The following C8orf34 variants were observed in gnomAD, a reference collection of about 807,000 sequenced individuals.
C8orf34 encodes the protein uncharacterized protein C8orf34.
C8orf34 carries 65 observed loss-of-function variants against 68.3 expected under a neutral mutation model. The ratio of observed to expected loss-of-function variants is 0.95; its 90% confidence interval spans 0.78 to 1.17. The LOEUF is 1.17. Among genes scored for constraint, C8orf34 ranks in the 50% most tolerant of loss-of-function variants. The pLI is 0.00. For missense variants in C8orf34, 664 were observed against 655.4 expected, an observed-to-expected ratio of 1.01 and a Z score of -0.14; for synonymous variants, 244 against 241.2, an observed-to-expected ratio of 1.01 and a Z score of -0.11.
chr8:68,743,947 A>C (rs978041014), intron 10 of C8orf34, among the ~76,000 whole-genome samples: 3 of 152,124 alleles, frequency 2.0e-5, no homozygotes, highest in African/African-American at 7.2e-5. Context: ...AGACAAACAA[A>C]AAGACAGCAG....
At chr8:68,575,899 T>A (rs1816886583) in intron 7 of C8orf34, among the ~76,000 whole-genome samples, 1 of 150,440 alleles carries the variant, frequency 6.6e-6, no homozygotes, top group Non-Finnish European at 1.5e-5. Flanking sequence ...ACAAGTTGAA[T>A]CATAATATAT....
intron 10 of C8orf34, among the ~76,000 whole-genome samples, chr8:68,768,460 C>T (rs866217551): frequency 6.6e-5 from 10 of 152,288 alleles, no homozygotes; most frequent in African/African-American, 2.2e-4. Context: ...CTCATCAACA[C>T]TTTTAATTCA....
intron 3 of C8orf34, among the ~76,000 whole-genome samples, chr8:68,450,443 C>G (rs915401891): frequency 6.6e-6 from 1 of 152,082 alleles, no homozygotes; most frequent in Non-Finnish European, 1.5e-5. Flanking sequence ...GTTATTTGCC[C>G]CCAGATCCGT....
intron 13 of C8orf34, among the ~76,000 whole-genome samples, chr8:68,817,849 G>A (rs566352344): frequency 1.3e-5 from 2 of 152,270 alleles, no homozygotes; most frequent in East Asian, 3.9e-4. Flanking sequence ...GAAATGCCAA[G>A]TGAAGGGGGA....
chr8:68,591,767 A>C (rs1260576320), intron 7 of C8orf34, among the ~76,000 whole-genome samples: 2 of 152,278 alleles, frequency 1.3e-5, no homozygotes, highest in East Asian at 3.9e-4. Flanking sequence ...CTAACTTTTA[A>C]AATACATGCT....
At chr8:68,579,344 C>T (rs994033816) in intron 7 of C8orf34, among the ~76,000 whole-genome samples, 3 of 152,078 alleles carry the variant, frequency 2.0e-5, no homozygotes, top group Admixed American at 1.3e-4. Context: ...GATAGAAACA[C>T]CAAACAGGTA....
At chr8:68,497,843 G>A (rs992142954) in intron 5 of C8orf34, among the ~76,000 whole-genome samples, 1 of 151,962 alleles carries the variant, frequency 6.6e-6, no homozygotes, top group Non-Finnish European at 1.5e-5. Flanking sequence ...GGGGGAGATG[G>A]GGGGAATGGA....
intron 7 of C8orf34, among the ~76,000 whole-genome samples, chr8:68,596,319 AT>A (rs1817545073): frequency 6.6e-6 from 1 of 152,032 alleles, no homozygotes; most frequent in Non-Finnish European, 1.5e-5. Flanking sequence ...CAGATACTTC[AT>A]TTCCTAGGGC....
chr8:68,482,355 G>A (rs1812895895), intron 4 of C8orf34, among the ~76,000 whole-genome samples: 1 of 152,158 alleles, frequency 6.6e-6, no homozygotes, highest in African/African-American at 2.4e-5. Flanking sequence ...TACACCAGTT[G>A]AGGATTGAAT....
chr8:68,411,095 G>A (rs978257036), intron 1 of C8orf34, among the ~76,000 whole-genome samples: 1 of 152,054 alleles, frequency 6.6e-6, no homozygotes, highest in Non-Finnish European at 1.5e-5. Flanking sequence ...CCATGCTATT[G>A]TGTTTTCATT....
At chr8:68,407,052 G>C (rs1586070604) in intron 1 of C8orf34, among the ~76,000 whole-genome samples, 1 of 152,036 alleles carries the variant, frequency 6.6e-6, no homozygotes, top group East Asian at 1.9e-4. Flanking sequence ...TGCAACTATG[G>C]ATCTACATAG....
chr8:68,526,792 C>T (rs1265494220), intron 6 of C8orf34, among the ~76,000 whole-genome samples: 5 of 151,532 alleles, frequency 3.3e-5, no homozygotes, highest in African/African-American at 4.9e-5. Flanking sequence ...CCAAAAAGAA[C>T]GCATGGAATC....
intron 7 of C8orf34, among the ~76,000 whole-genome samples, chr8:68,578,394 T>G (rs967959477): frequency 6.6e-6 from 1 of 152,018 alleles, no homozygotes; most frequent in Admixed American, 6.6e-5. Context: ...AACTTCTTAT[T>G]GATTGAAACT....
At chr8:68,777,457 T>A (rs1823552490) in intron 11 of C8orf34, among the ~76,000 whole-genome samples, 1 of 152,208 alleles carries the variant, frequency 6.6e-6, no homozygotes, top group Admixed American at 6.5e-5. Flanking sequence ...TGTACACAAG[T>A]GTAAATGCTC....
At chr8:68,651,413 G>T (rs1483610994) in intron 8 of C8orf34, among the ~76,000 whole-genome samples, 1 of 152,076 alleles carries the variant, frequency 6.6e-6, no homozygotes, top group African/African-American at 2.4e-5. Context: ...ACTTTGCTGT[G>T]GCCTTCATTC....
chr8:68,600,334 T>C (rs534813973), intron 7 of C8orf34, among the ~76,000 whole-genome samples: 1 of 152,236 alleles, frequency 6.6e-6, no homozygotes, highest in Non-Finnish European at 1.5e-5. Flanking sequence ...CATCAGATGG[T>C]GTTGTAATTT....
chr8:68,694,200 C>G (rs1206878107), intron 8 of C8orf34, among the ~76,000 whole-genome samples: 2 of 151,712 alleles, frequency 1.3e-5, no homozygotes, highest in African/African-American at 2.4e-5. Context: ...CTTCAAAAAT[C>G]CTAGGAAAAT....
intron 5 of C8orf34, among the ~76,000 whole-genome samples, chr8:68,519,690 A>G (rs1212671305): frequency 6.6e-6 from 1 of 152,156 alleles, no homozygotes; most frequent in Admixed American, 6.5e-5. Flanking sequence ...TTTGAAAATT[A>G]AAGCAAAACA....
rs111696090 is a variant in C8orf34, at chr8:68,341,728, C to T, written c.327+10389C>T. Among the ~76,000 whole-genome samples the T allele has an allele frequency of 8.2e-3, 1,250 of 152,288 alleles. 13 individuals are homozygous for T. The highest frequency in any genetic ancestry group is 0.029 in the African/African-American group (1,207 of 41,564). The stretch of plus-strand genomic sequence containing the variant: ...TTGCCATGAAACATGCCTGCTCCCA[C>T]GTCACCTTCTGTCATGAGTAAAACT... On this transcript the variant is annotated intron_variant, in intron 1 of 13. Coordinates refer to ENST00000518698, the MANE Select transcript of C8orf34 (RefSeq NM_052958.4).
Sources: gnomAD v4.1 joint callset for allele counts (sites outside exome capture counted in the v4.1 genomes callset) on GRCh38, gnomAD v4.1.1 for gene constraint, MANE v1.5 for transcripts, NCBI Gene and HGNC (gene_info 2026-07-23, HGNC 2026-07-21) for gene names.